ELAVL2: variants seen among roughly 807,000 people sequenced by gnomAD.
ELAVL2 encodes ELAV like RNA binding protein 2, also known as ELAV-like protein 2.
A neutral mutation model predicts 34.6 loss-of-function variants in ELAVL2; 4 were observed. The observed-to-expected ratio is 0.12, with a 90% CI of 0.06 to 0.26. ELAVL2 has a LOEUF of 0.26. Among genes scored for constraint, ELAVL2 ranks in the 10% least tolerant of loss-of-function variants. The probability of loss-of-function intolerance (pLI) is 1.00; values close to 1 mark genes in which losing one functional copy is unlikely to be tolerated. For synonymous variants in ELAVL2, 193 were observed against 154.8 expected (o/e 1.25, Z -1.83); for missense variants, 432 against 442.8 (o/e 0.98, Z 0.22).
chr9:23,706,458 A>G (rs2039353155), intron 3 of ELAVL2, among the ~76,000 whole-genome samples: 1 of 152,220 alleles, frequency 6.6e-6, no homozygotes, highest in Non-Finnish European at 1.5e-5. Flanking sequence ...GGTCAGTTCA[A>G]GTCATCCAGA....
chr9:23,747,597 A>G (rs1344258939), intron 2 of ELAVL2, among the ~76,000 whole-genome samples: 1 of 152,164 alleles, frequency 6.6e-6, no homozygotes, highest in East Asian at 1.9e-4. Context: ...CAGAGGTAGA[A>G]GACCTTCCTC....
chr9:23,743,746 A>ATACCTTATTC (rs2049842425), intron 2 of ELAVL2, among the ~76,000 whole-genome samples: 1 of 152,170 alleles, frequency 6.6e-6, no homozygotes, highest in African/African-American at 2.4e-5. Context: ...GTAGAGGGTT[A>ATACCTTATTC]AAAAAATCTT....
At chr9:23,741,392 G>C (rs908788818) in intron 2 of ELAVL2, among the ~76,000 whole-genome samples, 1 of 152,156 alleles carries the variant, frequency 6.6e-6, no homozygotes, top group African/African-American at 2.4e-5. Flanking sequence ...GAGGGACCCA[G>C]GGACAGTCAC....
the ELAVL2 span, among the ~76,000 whole-genome samples, chr9:23,836,295 GTTTAAGCTGT>G: frequency 6.6e-6 from 1 of 152,140 alleles, no homozygotes; most frequent in Non-Finnish European, 1.5e-5. Flanking sequence ...ATTACAGACT[GTTTAAGCTGT>G]ATGAGTAACA....
chr9:23,751,723 A>C (rs1423891706), intron 2 of ELAVL2, among the ~76,000 whole-genome samples: 1 of 152,216 alleles, frequency 6.6e-6, no homozygotes, highest in Non-Finnish European at 1.5e-5. Flanking sequence ...TCAATTTAAC[A>C]ACTTGCTGAC....
chr9:23,770,761 C>A (rs1216659290), intron 1 of ELAVL2, among the ~76,000 whole-genome samples: 1 of 152,054 alleles, frequency 6.6e-6, no homozygotes, highest in East Asian at 1.9e-4. Context: ...TGATGTTCTT[C>A]GGAATTTTAA....
intron 5 of ELAVL2, among the ~76,000 whole-genome samples, chr9:23,699,821 T>G (rs1051356632): frequency 0.021 from 791 of 37,746 alleles, no homozygotes; most frequent in Non-Finnish European, 0.028. Flanking sequence ...GGTTTTTTTT[T>G]TTTTTTTTTT....
chr9:23,832,746 TTTTG>T, the ELAVL2 span, among the ~76,000 whole-genome samples: 5 of 152,202 alleles, frequency 3.3e-5, no homozygotes, highest in African/African-American at 4.8e-5. Flanking sequence ...TCAATTTTTA[TTTTG>T]TTTAACTTCA....
In ELAVL2 at chr9:23,772,801, G is replaced by A. The variant is rs549261382; in HGVS notation, c.-15-10552C>T. Among the ~76,000 whole-genome samples the A allele has an allele frequency of 2.6e-5, 4 of 152,054 alleles. No homozygotes were observed. The East Asian group carries it at 5.8e-4, about 22-fold the overall frequency. On this transcript the variant is annotated intron_variant, in intron 1 of 6. Transcript: ENST00000397312. ...TTTTTCTTTTCTGTTGATGTGTAACGTCCTGAGATTCCCAAGACATGTATA... is the reference window on the plus strand; with the variant it reads ...TTTTTCTTTTCTGTTGATGTGTAACATCCTGAGATTCCCAAGACATGTATA...
chr9:23,760,334 T>C (rs764990834), intron 2 of ELAVL2, among the ~76,000 whole-genome samples: 20 of 152,044 alleles, frequency 1.3e-4, no homozygotes, highest in Non-Finnish European at 2.9e-4. Flanking sequence ...GCTCTGTTCA[T>C]GCATCTTTCT....
rs775846030 is a variant in ELAVL2 at position 23,721,538 on chromosome 9, G to C, written c.333+9484C>G. Among the ~76,000 whole-genome samples, 16 of 152,292 alleles carry C rather than the reference G, an allele frequency of 1.1e-4. No individual in the cohort carries two copies. The Middle Eastern group carries it at 0.01, about 97-fold the overall frequency. On this transcript the variant is annotated intron_variant, in intron 3 of 6. Coordinates refer to ENST00000397312, the MANE Select transcript of ELAVL2 (RefSeq NM_004432.5). ...AAGACTTACACCTCCAAGTCCTATT[G>C]CAGCATTCAAAAGAGTTCTTCACAG...
At chr9:23,795,572 G>A (rs1479473337) in intron 1 of ELAVL2, among the ~76,000 whole-genome samples, 1 of 151,878 alleles carries the variant, frequency 6.6e-6, no homozygotes, top group African/African-American at 2.4e-5. Flanking sequence ...AAATAAATGG[G>A]GAAAACAACA....
intron 2 of ELAVL2, among the ~76,000 whole-genome samples, chr9:23,749,107 A>C (rs533379873): frequency 2.0e-5 from 3 of 152,168 alleles, no homozygotes; most frequent in Non-Finnish European, 4.4e-5. Context: ...ACTGAACTGT[A>C]AACTTGAAAA....
intron 1 of ELAVL2, among the ~76,000 whole-genome samples, chr9:23,813,844 A>G (rs993166289): frequency 2.2e-4 from 34 of 152,206 alleles, no homozygotes; most frequent in African/African-American, 7.7e-4. Flanking sequence ...AGATCAAACG[A>G]ATATAAAACC....
chr9:23,781,944 A>G (rs79575944), intron 1 of ELAVL2, among the ~76,000 whole-genome samples: 5,851 of 152,094 alleles, frequency 0.038, 320 homozygotes, highest in Admixed American at 0.13. Context: ...TCGGCCTCCC[A>G]AAGTGCTGGG....
rs182182643 is a variant in ELAVL2 at position 23,694,860 on chromosome 9, T to C, written c.714-1374A>G. 2.4e-3 allele frequency among the ~76,000 whole-genome samples: 365 copies of C among 151,984 alleles called. 3 individuals are homozygous for C. The highest frequency in any genetic ancestry group is 4.2e-3 in the Non-Finnish European group (282 of 67,894). On this transcript the variant is annotated intron_variant, in intron 5 of 6. Transcript: ENST00000397312. ...AGATCTTCGTGTGTGAGTGTGTCTC[T>C]GTGTGCGTGGTGCGTGTGTGTGTGT... is the stretch of plus-strand genomic sequence containing the variant.
chr9:23,741,618 G>C (rs1241495549), intron 2 of ELAVL2, among the ~76,000 whole-genome samples: 1 of 152,026 alleles, frequency 6.6e-6, no homozygotes, highest in African/African-American at 2.4e-5. Flanking sequence ...ACCAGGAACA[G>C]AGTCCCCACT....
upstream of ELAVL2, among the ~76,000 whole-genome samples, chr9:23,828,195 A>C (rs942576748): frequency 2.0e-5 from 3 of 152,190 alleles, no homozygotes; most frequent in African/African-American, 7.2e-5. Flanking sequence ...CATACAGAGA[A>C]ATAACCTTTA....
chr9:23,800,357 C>A (rs2061435572), intron 1 of ELAVL2, among the ~76,000 whole-genome samples: 1 of 152,166 alleles, frequency 6.6e-6, no homozygotes, highest in Admixed American at 6.5e-5. Flanking sequence ...GGTATCTGCT[C>A]ATGCAGGGGC....
Sources: allele counts gnomAD v4.1 joint callset (sites outside exome capture counted in the v4.1 genomes callset), GRCh38; gene constraint gnomAD v4.1.1; transcripts MANE v1.5; gene names NCBI Gene and HGNC (gene_info 2026-07-23, HGNC 2026-07-21).